The following OFD1 variants were observed in gnomAD, a reference collection of about 807,000 sequenced individuals.
OFD1 encodes the protein OFD1 centriole and centriolar satellite protein.
Under a neutral mutation model 81.4 loss-of-function variants are expected in OFD1, and 12 were observed. The ratio of observed to expected loss-of-function variants is 0.15; its 90% CI spans 0.09 to 0.24. The LOEUF is 0.24. Ranked by LOEUF, OFD1 falls within the 10% of genes least tolerant of loss-of-function variation. The pLI is 1.00. For missense variants in OFD1, 685 were observed against 733.9 expected, an observed-to-expected ratio of 0.93 and a Z score of 0.77; for synonymous variants, 256 against 263.7, an observed-to-expected ratio of 0.97 and a Z score of 0.28.
downstream of OFD1, chrX:13,772,747 A>G: frequency 3.8e-6 from 2 of 520,533 alleles, no homozygotes; most frequent in Non-Finnish European, 6.0e-6. Context: ...GATACATCCC[A>G]GCAGCTTGAG....
chrX:13,742,756 C>T (rs2047155912), intron 5 of OFD1, among the ~76,000 whole-genome samples: 1 of 111,614 alleles, frequency 9.0e-6, no homozygotes, highest in Admixed American at 9.4e-5. Context: ...ATCCCCTGAC[C>T]TCAGGTGATC....
At chrX:13,729,655 T>A in the OFD1 span, among the ~76,000 whole-genome samples, 1 of 111,963 alleles carries the variant, frequency 8.9e-6, no homozygotes. Flanking sequence ...AAGCCTGTAA[T>A]CCCGGCACTT....
At chrX:13,768,331 T>A in intron 21 of OFD1, 107 bp downstream of exon 21, 1 of 640,853 alleles carries the variant, frequency 1.6e-6, no homozygotes, top group Non-Finnish European at 2.6e-6. Context: ...GACAAAAAGG[T>A]GAAAAGTATA....
intron 5 of OFD1, among the ~76,000 whole-genome samples, chrX:13,742,058 A>C (rs1193480113): frequency 1.8e-5 from 2 of 112,372 alleles, no homozygotes; most frequent in Non-Finnish European, 3.8e-5. Context: ...ATGAGGGAAG[A>C]AAATTTGGAC....
chrX:13,767,575 C>CT lies in OFD1; in HGVS notation c.2757+294dup, dbSNP rs778251976. 2.7e-5 allele frequency among the ~76,000 whole-genome samples: 3 copies of CT among 112,407 alleles called. No individual in the cohort carries two copies. The South Asian group carries it at 1.1e-3, about 42-fold the overall frequency. On this transcript the variant is annotated intron_variant, in intron 20 of 22. Coordinates refer to ENST00000340096, the MANE Select transcript of OFD1 (RefSeq NM_003611.3). ...AGGTAGACTGTGCTTTGCTGCAGAA[C>CT]TTTGCTTTGAAAACAGGGTTTAAAG...
At chrX:13,770,253 CTACT>C (rs1266695320), downstream of OFD1, among the ~76,000 whole-genome samples, 1 of 111,963 alleles carries the variant, frequency 8.9e-6, no homozygotes, top group African/African-American at 3.2e-5. Context: ...GCACAAAATG[CTACT>C]TAAACAGAAG....
At chrX:13,738,069 C>T (rs778908093) in intron 3 of OFD1, among the ~76,000 whole-genome samples, 46 of 111,544 alleles carry the variant, frequency 4.1e-4, no homozygotes, top group African/African-American at 1.2e-3. Context: ...AGGCTGGTCT[C>T]GAATCCTGAC....
chrX:13,716,778 G>A, the OFD1 span: 9 of 914,293 alleles, frequency 9.8e-6, no homozygotes, highest in Non-Finnish European at 1.2e-5. Context: ...TTCTTGTGGG[G>A]AAAAAACAGT....
In OFD1 at chrX:13,751,318, A is replaced by G; in HGVS notation, c.1005A>G (p.Ile335Met). 1 of 1,204,864 alleles carries G rather than the reference A, an allele frequency of 8.3e-7. No individual in the cohort carries two copies. Among genetic ancestry groups the G allele is most frequent in the Non-Finnish European group, 1.1e-6 (1 of 889,545 alleles). ...CACTTAGGAGACAGGAGCAGAATAT[A>G]AAGAGTTTTGAGGAGACCTATGACC... ...TEALRRQEQNIKSFEETYDRK... is the reference protein window; with the variant it reads ...TEALRRQEQNMKSFEETYDRK... Residue 335 changes from isoleucine (I) to methionine (M), a missense_variant, in exon 10 of 23, where the codon ATA (isoleucine) becomes ATG (methionine). Physicochemically the swap from Ile to Met is conservative, Grantham distance 10 (BLOSUM62 1). Around this residue, in one of 3 missense-constraint regions of OFD1, gnomAD observed 414 missense variants for 447.2 expected, o/e 0.93. Coordinates refer to ENST00000340096, the MANE Select transcript of OFD1 (RefSeq NM_003611.3).
rs771610755 is a variant in OFD1 at position 13,739,544 on chromosome X, G to A, written c.412+512G>A. Among the ~76,000 whole-genome samples, 3 of 111,348 alleles carry A rather than the reference G, an allele frequency of 2.7e-5. No homozygotes were observed. In the South Asian group the frequency reaches 1.1e-3, roughly 42 times the overall value. On this transcript the variant is annotated intron_variant, in intron 5 of 22. Transcript: ENST00000340096. ...GTGGATCACCTGAGGTCGGGAGTTC[G>A]AGATCAGCCTGACCAACCTGGAGAA...
chrX:13,750,358 T>C (rs1050772662), intron 9 of OFD1, among the ~76,000 whole-genome samples: 1 of 111,730 alleles, frequency 9.0e-6, no homozygotes, highest in Admixed American at 9.5e-5. Flanking sequence ...ATAAATGTAG[T>C]TTACCTCTCC....
Position 13,768,215 on chromosome X carries a change from G to A in OFD1, c.2919G>A (p.Ser973=), listed in dbSNP as rs764695420. The change falls in exon 21 of 23, where the codon TCG becomes TCA. Residue 973 remains serine, a synonymous_variant. Transcript: ENST00000340096. ...TCCAGCAGGAGCAAGACCAGGAGTC[G>A]GCAGATAAGGTGCCAGTGCCATGGG... ...KIIQQEQDQE[S]ADKSSKKMVQ... 7.5e-6 allele frequency: 9 copies of A among 1,206,676 alleles called. No individual in the cohort carries two copies. The East Asian group carries it at 8.9e-5, about 12-fold the overall frequency.
chrX:13,725,313 C>A, the OFD1 span, among the ~76,000 whole-genome samples: 2 of 112,703 alleles, frequency 1.8e-5, no homozygotes, highest in African/African-American at 6.4e-5. Context: ...GTCCCTGACC[C>A]CCGTATGGCC....
chrX:13,748,879 G>A (rs1384582235), intron 8 of OFD1, among the ~76,000 whole-genome samples: 1 of 111,229 alleles, frequency 9.0e-6, no homozygotes, highest in Admixed American at 9.6e-5. Context: ...AGCACCTTGG[G>A]AAGCCAAGGC....
At chrX:13,715,597 T>A in the OFD1 span, 3 of 123,003 alleles carry the variant, frequency 2.4e-5, no homozygotes, top group African/African-American at 6.4e-5. Context: ...CATATAAAAA[T>A]CACTTCCTGC....
At chrX:13,739,826 A>G (rs1337384187) in intron 5 of OFD1, 1 of 750,950 alleles carries the variant, frequency 1.3e-6, no homozygotes, top group African/African-American at 2.3e-5. Flanking sequence ...CATAGAGTCC[A>G]TAACTACTGT....
intron 5 of OFD1, 24 bp downstream of exon 5, chrX:13,739,056 G>C: frequency 8.5e-7 from 1 of 1,180,665 alleles, no homozygotes; most frequent in Non-Finnish European, 1.1e-6. Flanking sequence ...TCTTTGTAGA[G>C]AACAGCAACA....
the OFD1 span, among the ~76,000 whole-genome samples, chrX:13,725,015 G>T: frequency 5.3e-5 from 6 of 113,313 alleles, no homozygotes; most frequent in African/African-American, 1.6e-4. Flanking sequence ...AGCAGTCTGA[G>T]ATTGAACTGT....
chrX:13,746,977 G>T (rs1166671463), intron 8 of OFD1, 24 bp downstream of exon 8: 2 of 1,186,946 alleles, frequency 1.7e-6, no homozygotes, highest in Non-Finnish European at 2.3e-6. Context: ...ATATTTTATG[G>T]GTGGCTATTT....
Sources: allele counts gnomAD v4.1 joint callset (sites outside exome capture counted in the v4.1 genomes callset), GRCh38; gene constraint gnomAD v4.1.1; regional missense constraint gnomAD v4.1.1; transcripts MANE v1.5; gene names NCBI Gene and HGNC (gene_info 2026-07-23, HGNC 2026-07-21).